Variants in TMEM68 observed in about 807,000 individuals in gnomAD.
TMEM68 encodes DGAT1/2-independent enzyme synthesizing storage lipids.
Under a neutral mutation model 36.9 loss-of-function variants are expected in TMEM68, and 25 were observed. The observed-to-expected ratio is 0.68, with a 90% CI of 0.49 to 0.95. The LOEUF is 0.95. TMEM68 is among the 40% of genes least tolerant of loss of function. The probability of loss-of-function intolerance (pLI) is 0.00; values close to 1 mark genes in which losing one functional copy is unlikely to be tolerated. For missense variants in TMEM68, 333 were observed against 392.0 expected (o/e 0.85, Z 1.27); for synonymous variants, 131 against 124.4 (o/e 1.05, Z -0.35).
chr8:55,769,990 G>C (rs989774563), intron 1 of TMEM68, among the ~76,000 whole-genome samples: 1 of 152,132 alleles, frequency 6.6e-6, no homozygotes, highest in Non-Finnish European at 1.5e-5. Context: ...CCTGCTACTA[G>C]AGAACTATCA....
At chr8:55,768,495 G>A (rs1223912321) in intron 1 of TMEM68, among the ~76,000 whole-genome samples, 2 of 151,866 alleles carry the variant, frequency 1.3e-5, no homozygotes, top group South Asian at 2.1e-4. Flanking sequence ...CAAGAGGATC[G>A]CTTGAAACCA....
chr8:55,759,404 C>G (rs1810713491), intron 3 of TMEM68, among the ~76,000 whole-genome samples: 1 of 151,906 alleles, frequency 6.6e-6, no homozygotes, highest in African/African-American at 2.4e-5. Context: ...AACCCCATCT[C>G]TACTAAAAAT....
At chr8:55,745,149 A>C (rs1455937479) in intron 5 of TMEM68, 28 bp from the exon 6 acceptor site, 9 of 1,410,016 alleles carry the variant, frequency 6.4e-6, no homozygotes, top group Non-Finnish European at 8.5e-6. Context: ...TTGAATTAAA[A>C]AGTAAATAAA....
At position 55,773,313 on chromosome 8, in the gene TMEM68, G is replaced by C. The variant is rs1404582390; in HGVS notation, c.-159C>G. 3.9e-6 allele frequency: 1 copy of C among 258,708 alleles called. No individual in the cohort carries two copies. Among genetic ancestry groups the C allele is most frequent in the East Asian group, 8.3e-5 (1 of 12,072 alleles). 16.0% of individuals were successfully genotyped at this position (258,708 alleles called of 1,614,324 possible). On this transcript the variant is annotated 5_prime_UTR_variant, in exon 1 of 8. Transcript: ENST00000434581. Reference sequence around the variant, plus strand: ...CTCTTCGGGGGATCAGTGGCCAAGGGGGCGGACAGATTTGCACGGCGGATT... The same window carrying C: ...CTCTTCGGGGGATCAGTGGCCAAGGCGGCGGACAGATTTGCACGGCGGATT...
At chr8:55,754,444 A>AATAT (rs769626273) in intron 4 of TMEM68, among the ~76,000 whole-genome samples, 8,718 of 100,444 alleles carry the variant, frequency 0.087, 386 homozygotes, top group African/African-American at 0.12. Context: ...CTCTGTCTCG[A>AATAT]ATATATATAT....
chr8:55,762,411 T>TA, intron 3 of TMEM68: 1 of 675,792 alleles, frequency 1.5e-6, no homozygotes, highest in Non-Finnish European at 2.4e-6. Flanking sequence ...TAGTCTACAG[T>TA]GCTGCGTGGT....
intron 1 of TMEM68, among the ~76,000 whole-genome samples, chr8:55,771,938 G>C (rs571628076): frequency 1.3e-5 from 2 of 152,150 alleles, no homozygotes; most frequent in East Asian, 3.9e-4. Flanking sequence ...CTTTAAACTC[G>C]AGGTTCTGAT....
chr8:55,749,944 A>G (rs528669797), intron 5 of TMEM68, among the ~76,000 whole-genome samples: 10 of 152,276 alleles, frequency 6.6e-5, no homozygotes, highest in African/African-American at 1.4e-4. Context: ...TGCATCATTT[A>G]TCTCTTTCAG....
At chr8:55,762,500 C>A in intron 3 of TMEM68, 135 bp downstream of exon 3, 1 of 1,480,786 alleles carries the variant, frequency 6.8e-7, no homozygotes, top group Non-Finnish European at 9.0e-7. Flanking sequence ...TGCATGCAAA[C>A]AGGTAACAGG....
chr8:55,758,831 G>A (rs1020166426), intron 3 of TMEM68, among the ~76,000 whole-genome samples: 5 of 151,916 alleles, frequency 3.3e-5, no homozygotes, highest in Non-Finnish European at 4.4e-5. Flanking sequence ...ATAAATAAAC[G>A]CAAAGGATCT....
intron 3 of TMEM68, chr8:55,761,113 T>C (rs1229885762): frequency 1.3e-5 from 2 of 152,242 alleles, no homozygotes; most frequent in East Asian, 3.8e-4. Context: ...AATAGTTTAC[T>C]ATAGTGCCAG....
At position 55,754,466 on chromosome 8, in the gene TMEM68, T is replaced by TATATATAC. The variant is rs1346601089; in HGVS notation, c.493+1777_493+1778insGTATATAT. Among the ~76,000 whole-genome samples, 3 of 118,946 alleles carry TATATATAC rather than the reference T, an allele frequency of 2.5e-5. No homozygotes were observed. The South Asian group carries it at 7.4e-4, about 29-fold the overall frequency. 78.0% of individuals were successfully genotyped at this position (118,946 alleles called of 152,430 possible). A position where few individuals can be genotyped will look rare whatever the true frequency, so the allele number is the denominator to read the frequency against. On this transcript the variant is annotated intron_variant, in intron 4 of 7. Coordinates refer to ENST00000434581, the MANE Select transcript of TMEM68 (RefSeq NM_001286657.2). ...TCGAATATATATATATATATATATA[T>TATATATAC]ACACACACACACACACACACACACA...
At chr8:55,771,095 G>A (rs1036588136) in intron 1 of TMEM68, among the ~76,000 whole-genome samples, 7 of 151,456 alleles carry the variant, frequency 4.6e-5, no homozygotes, top group African/African-American at 9.7e-5. Context: ...CGGAAGTTGC[G>A]GTGAGCCAAG....
chr8:55,745,043 A>G lies in TMEM68; in HGVS notation c.748+18T>C, dbSNP rs1306574478. On this transcript the variant is annotated intron_variant, in intron 6 of 7. Transcript: ENST00000434581. ...AAAAATTACATTGTAATTTAAAACC[A>G]TACAAATCAGAACTTACTTGTTCCT... 6.9e-7 allele frequency: 1 copy of G among 1,456,388 alleles called. No individual in the cohort carries two copies. Among genetic ancestry groups the G allele is most frequent in the South Asian group, 1.4e-5 (1 of 73,072 alleles). 90.2% of individuals were successfully genotyped at this position (1,456,388 alleles called of 1,614,324 possible).
At chr8:55,751,722 GACT>G (rs1167988077) in intron 4 of TMEM68, among the ~76,000 whole-genome samples, 10 of 152,182 alleles carry the variant, frequency 6.6e-5, no homozygotes, top group Admixed American at 2.6e-4. Flanking sequence ...GAGAGTGCTT[GACT>G]CAAGAGCAGC....
intron 1 of TMEM68, among the ~76,000 whole-genome samples, chr8:55,769,018 T>TAAAAAAAAAAAAAAAAAAAAAAAAAAAAA (rs200493179): frequency 1.2e-5 from 1 of 82,094 alleles, no homozygotes; most frequent in African/African-American, 5.0e-5. Flanking sequence ...ACTCTGTCTT[T>TAAAAAAAAAAAAAAAAAAAAAAAAAAAAA]AAAAAAAAAA....
At chr8:55,759,938 T>A (rs1287206189) in intron 3 of TMEM68, among the ~76,000 whole-genome samples, 4 of 152,218 alleles carry the variant, frequency 2.6e-5, no homozygotes, top group African/African-American at 9.6e-5. Context: ...CTGCAAGCCC[T>A]ATTTTATGTC....
At position 55,751,151 on chromosome 8, in the gene TMEM68, C is replaced by G. The variant is rs769563850; in HGVS notation, c.500G>C (p.Ser167Thr). The G allele has an allele frequency of 9.4e-6, 15 of 1,594,112 alleles. No homozygotes were observed. In the Admixed American group the frequency reaches 2.6e-4, roughly 28 times the overall value. Residue 167 changes from serine to threonine, a missense_variant, in exon 5 of 8, where the codon AGT becomes ACT. Transcript: ENST00000434581. ...DHFVFKIPGF[S>T]LLLDVFCALH... ...AGCACAAAACACATCCAGTAATAAA[C>G]TAAACCCTGTAAGAAACATGAGTAT...
At chr8:55,751,385 T>C in intron 4 of TMEM68, 1 of 476,142 alleles carries the variant, frequency 2.1e-6, no homozygotes, top group Non-Finnish European at 3.7e-6. Context: ...CAGGTATTCT[T>C]CTCCCCACTT....
Sources: allele counts gnomAD v4.1 joint callset (sites outside exome capture counted in the v4.1 genomes callset), GRCh38; gene constraint gnomAD v4.1.1; transcripts MANE v1.5; gene names NCBI Gene and HGNC (gene_info 2026-07-23, HGNC 2026-07-21).